The following LYPD3 variants were observed in gnomAD, a reference collection of about 807,000 sequenced individuals.
The protein encoded by LYPD3 is ly6/PLAUR domain-containing protein 3.
Under a neutral mutation model 21.7 loss-of-function variants are expected in LYPD3, and 22 were observed. The observed-to-expected ratio is 1.01, with a 90% CI of 0.72 to 1.45. The LOEUF (loss-of-function observed/expected upper bound fraction) is 1.45, where lower values mean the gene tolerates loss of function less well. Ranked by LOEUF, LYPD3 falls within the 40% of genes most tolerant of loss-of-function variation. The pLI, the probability that LYPD3 is intolerant of heterozygous loss-of-function variation, is 0.00. For missense variants in LYPD3, 471 were observed against 466.9 expected (o/e 1.01, Z -0.08); for synonymous variants, 179 against 203.0 (o/e 0.88, Z 1.00).
At position 43,461,442 on chromosome 19, in the gene LYPD3, C is replaced by T. The variant is rs149095976; in HGVS notation, c.950G>A (p.Gly317Glu). 2,181 of 1,614,176 alleles carry T rather than the reference C, an allele frequency of 1.4e-3. 2 individuals carry two copies. The highest frequency in any genetic ancestry group is 1.6e-3 in the Non-Finnish European group (1,947 of 1,180,014). Residue 317 changes from glycine (G) to glutamate (E), a missense_variant, in exon 5 of 5, where the codon GGG (glycine) becomes GAG (glutamate). Coordinates refer to ENST00000244333, the MANE Select transcript of LYPD3 (RefSeq NM_014400.3). ...SNSGQYPAKG[G>E]PQQPHNKGCV... ...GCCTTTATTATGGGGCTGCTGGGGCCCCCCTTTTGCAGGATACTGCCCTGA... is the reference window on the plus strand; with the variant it reads ...GCCTTTATTATGGGGCTGCTGGGGCTCCCCTTTTGCAGGATACTGCCCTGA...
chr19:43,461,238 G>C lies in LYPD3; in HGVS notation c.*113C>G. ...GAAGCTGGGGATACTGGGGAATGTT[G>C]GAAAAACAGGGGCTGGGCCAGCCCA... is the stretch of plus-strand genomic sequence containing the variant. On this transcript the variant is annotated 3_prime_UTR_variant, in exon 5 of 5. Transcript: ENST00000244333. 1 of 1,294,536 alleles carries C rather than the reference G, an allele frequency of 7.7e-7. No homozygotes were observed. Among genetic ancestry groups the C allele is most frequent in the Non-Finnish European group, 1.0e-6 (1 of 959,360 alleles). The allele number at this position is 1,294,536 out of a possible 1,614,324, so 80.2% of individuals were successfully genotyped here.
rs1035062111 is a variant in LYPD3 at position 43,461,102 on chromosome 19, G to A, written c.*249C>T. On this transcript the variant is annotated 3_prime_UTR_variant, in exon 5 of 5. Coordinates refer to ENST00000244333, the MANE Select transcript of LYPD3 (RefSeq NM_014400.3). ...GTCCTAACATCACAAGAGGACAAGC[G>A]GAGAGACAAGGATGAGAAGGATACA... 12 of 503,136 alleles carry A rather than the reference G, an allele frequency of 2.4e-5. No homozygotes were observed. The highest frequency in any genetic ancestry group is 6.5e-5 in the East Asian group (2 of 31,002). The allele number at this position is 503,136 out of a possible 1,614,324, so 31.2% of individuals were successfully genotyped here. A position where few individuals can be genotyped will look rare whatever the true frequency, so the allele number is the denominator to read the frequency against.
intron 4 of LYPD3, 84 bp downstream of exon 4, chr19:43,463,042 T>C: frequency 6.8e-7 from 1 of 1,476,504 alleles, no homozygotes; most frequent in East Asian, 2.3e-5. Context: ...GGAAACGCTT[T>C]GGGTAAAGGG....
At position 43,461,866 on chromosome 19, in the gene LYPD3, G is replaced by A. The variant is rs775953979; in HGVS notation, c.545-19C>T. 4.4e-6 allele frequency: 7 copies of A among 1,595,388 alleles called. No individual in the cohort carries two copies. The highest frequency in any genetic ancestry group is 5.1e-6 in the Non-Finnish European group (6 of 1,166,116). ...ACATTAGCTGCAGGAAGGAGACACAGATAGGTCAGTGGCTGGAGGGAGAGA... is the reference window on the plus strand; with the variant it reads ...ACATTAGCTGCAGGAAGGAGACACAAATAGGTCAGTGGCTGGAGGGAGAGA... On this transcript the variant is annotated intron_variant, in intron 4 of 4. Coordinates refer to ENST00000244333, the MANE Select transcript of LYPD3 (RefSeq NM_014400.3).
Position 43,461,620 on chromosome 19 carries a change from A to C in LYPD3, c.772T>G (p.Ser258Ala). The change falls in exon 5 of 5, where the codon TCT becomes GCT. Residue 258 changes from serine to alanine, a missense_variant. By Grantham distance (99) the Ser-to-Ala change is moderately conservative. Coordinates refer to ENST00000244333, the MANE Select transcript of LYPD3 (RefSeq NM_014400.3). ...GTGGGTCTCACTGGGGCCGAGGTAG[A>C]AGTGGTGACAGATGTGGTTGAGGCC... The part of the protein sequence containing the change: ...TVASTTSVTT[S>A]TSAPVRPTST... The C allele has an allele frequency of 6.2e-7, 1 of 1,614,048 alleles. No homozygotes were observed. Among genetic ancestry groups the C allele is most frequent in the Non-Finnish European group, 8.5e-7 (1 of 1,179,986 alleles).
rs746786194 is a variant in LYPD3 at position 43,465,598 on chromosome 19, C to T, written c.-27G>A. The stretch of plus-strand genomic sequence containing the variant: ...GCTCCGTCCTGCTCCCTTGGCGTCC[C>T]CCCTGGATGTGCCGCCTCCGAGCTC... On this transcript the variant is annotated 5_prime_UTR_variant, in exon 1 of 5. Coordinates refer to ENST00000244333, the MANE Select transcript of LYPD3 (RefSeq NM_014400.3). The T allele has an allele frequency of 9.4e-6, 15 of 1,602,366 alleles. No homozygotes were observed. The South Asian group carries it at 1.7e-4, about 18-fold the overall frequency.
At position 43,464,440 on chromosome 19, in the gene LYPD3, C is replaced by T. The variant is rs766219734; in HGVS notation, c.96G>A (p.Glu32=). The change falls in exon 2 of 5, where the codon GAG becomes GAA. Residue 32 remains glutamate, a synonymous_variant. Coordinates refer to ENST00000244333, the MANE Select transcript of LYPD3 (RefSeq NM_014400.3). ...LLLRGGAQAL[E]CYSCVQKADD... ...CTGCTTTCTGCACGCAGCTGTAGCA[C>T]TCCAGGGCCTGCGCTCCTGGGGGAG... 13 of 1,613,990 alleles carry T rather than the reference C, an allele frequency of 8.1e-6. No homozygotes were observed. In the East Asian group the frequency reaches 2.2e-4, roughly 28 times the overall value.
chr19:43,464,000 G>A (rs1970799751), intron 2 of LYPD3: 1 of 620,618 alleles, frequency 1.6e-6, no homozygotes, highest in East Asian at 2.7e-5. Context: ...AAAGAGCTGA[G>A]TCGGAGGAGA....
In LYPD3 at chr19:43,464,786, C is replaced by G. The variant is rs188799119; in HGVS notation, c.80-330G>C. Among the ~76,000 whole-genome samples the G allele has an allele frequency of 5.3e-4, 80 of 152,096 alleles. 2 individuals are homozygous for G. Among genetic ancestry groups the G allele is most frequent in the Non-Finnish European group, 1.6e-4 (11 of 67,992 alleles). On this transcript the variant is annotated intron_variant, in intron 1 of 4. Coordinates refer to ENST00000244333, the MANE Select transcript of LYPD3 (RefSeq NM_014400.3). ...TTCTGCTCAGAATGAGAGAACTTTT[C>G]CCACAGTGTGTGGGAGAACTTTTCC...
In LYPD3 at chr19:43,464,371, C is replaced by A. The variant is rs1970803842; in HGVS notation, c.165G>T (p.Ala55=). Residue 55 remains alanine (A), a synonymous_variant, in exon 2 of 5, where the codon GCG becomes GCT. Coordinates refer to ENST00000244333, the MANE Select transcript of LYPD3 (RefSeq NM_014400.3). ...CCTCGGTGCAGACGTCCACGCCCGG[C>A]GCGCACTTCACTGTCTTCATCTTGT... is the stretch of plus-strand genomic sequence containing the variant. The part of the protein sequence containing the change: ...SPNKMKTVKC[A]PGVDVCTEAV... 1 of 1,613,866 alleles carries A rather than the reference C, an allele frequency of 6.2e-7. No individual in the cohort carries two copies.
At chr19:43,464,647 C>T (rs1970806704) in intron 1 of LYPD3, among the ~76,000 whole-genome samples, 191 bp from the exon 2 acceptor site, 1 of 152,204 alleles carries the variant, frequency 6.6e-6, no homozygotes, top group East Asian at 1.9e-4. Context: ...TTTTCCTTCA[C>T]ACCCACTATG....
intron 2 of LYPD3, chr19:43,464,082 G>A (rs967132185): frequency 1.1e-4 from 72 of 638,574 alleles, no homozygotes; most frequent in African/African-American, 1.1e-3. Flanking sequence ...ACGTGACCTC[G>A]TTCCAAACCC....
In LYPD3 at chr19:43,461,504, C is replaced by T; in HGVS notation, c.888G>A (p.Leu296=). 1 of 1,614,180 alleles carries T rather than the reference C, an allele frequency of 6.2e-7. No homozygotes were observed. Among genetic ancestry groups the T allele is most frequent in the African/African-American group, 1.3e-5 (1 of 75,036 alleles). The change falls in exon 5 of 5, where the codon TTG becomes TTA. Residue 296 remains leucine (L), a synonymous_variant. Coordinates refer to ENST00000244333, the MANE Select transcript of LYPD3 (RefSeq NM_014400.3). Reference sequence around the variant, plus strand: ...CCTGGTGGCCAGCGGCGCCTCCAGTCAACCTGGGCTCCTCATCCCGGGAGG... The same window carrying T: ...CCTGGTGGCCAGCGGCGCCTCCAGTTAACCTGGGCTCCTCATCCCGGGAGG... The part of the protein sequence containing the change: ...HEASRDEEPR[L]TGGAAGHQDR...
At chr19:43,464,482 T>A (rs768553140) in intron 1 of LYPD3, 26 bp from the exon 2 acceptor site, 1 of 1,613,598 alleles carries the variant, frequency 6.2e-7, no homozygotes, top group Non-Finnish European at 8.5e-7. Flanking sequence ...CGAATAGACC[T>A]GAGCCCTCCT....
chr19:43,461,651 C>G lies in LYPD3; in HGVS notation c.741G>C (p.Thr247=), dbSNP rs374098928. ...PLVRLPPPEP[T]TVASTTSVTT... ...TGACAGATGTGGTTGAGGCCACAGT[C>G]GTGGGCTCTGGAGGGGGCAGCCGGA... The change falls in exon 5 of 5, where the codon ACG becomes ACC. Residue 247 remains threonine (T), a synonymous_variant. Transcript: ENST00000244333. 1 of 1,613,918 alleles carries G rather than the reference C, an allele frequency of 6.2e-7. No homozygotes were observed. Among genetic ancestry groups the G allele is most frequent in the South Asian group, 1.1e-5 (1 of 91,064 alleles).
intron 4 of LYPD3, 113 bp from the exon 5 acceptor site, chr19:43,461,960 C>T: frequency 1.8e-6 from 2 of 1,134,576 alleles, no homozygotes; most frequent in Admixed American, 5.0e-5. Flanking sequence ...GGCGTGGTGG[C>T]TCACGCCTGT....
At chr19:43,464,928 T>TTTTC (rs1970809141) in intron 1 of LYPD3, among the ~76,000 whole-genome samples, 1 of 77,742 alleles carries the variant, frequency 1.3e-5, no homozygotes, top group Non-Finnish European at 2.4e-5. Context: ...CTTTTTTTCT[T>TTTTC]TTTTTCTTTT....
intron 2 of LYPD3, 131 bp downstream of exon 2, chr19:43,464,194 C>G (rs1970801570): frequency 8.0e-7 from 1 of 1,255,632 alleles, no homozygotes; most frequent in South Asian, 1.4e-5. Flanking sequence ...TCGTAGGGTC[C>G]CGGCCAGGCT....
intron 2 of LYPD3, 179 bp downstream of exon 2, chr19:43,464,146 T>G: frequency 1.2e-6 from 1 of 863,696 alleles, no homozygotes; most frequent in Non-Finnish European, 1.7e-6. Flanking sequence ...CTCGCGCTTG[T>G]AATTGTTAAT....
Sources: gnomAD v4.1 joint callset for allele counts (sites outside exome capture counted in the v4.1 genomes callset) on GRCh38, gnomAD v4.1.1 for gene constraint, MANE v1.5 for transcripts, NCBI Gene and HGNC (gene_info 2026-07-23, HGNC 2026-07-21) for gene names.